The following NFIA variants were observed in gnomAD, a reference collection of about 807,000 sequenced individuals.
The protein encoded by NFIA is nuclear factor 1 A-type.
Under a neutral mutation model 62.8 loss-of-function variants are expected in NFIA, and 8 were observed. The ratio of observed to expected loss-of-function variants is 0.13; its 90% confidence interval spans 0.07 to 0.23. The LOEUF (loss-of-function observed/expected upper bound fraction) is 0.23, where lower values mean the gene tolerates loss of function less well. NFIA is among the 10% of genes least tolerant of loss of function. The probability of loss-of-function intolerance (pLI) is 1.00; values close to 1 mark genes in which losing one functional copy is unlikely to be tolerated. For synonymous variants in NFIA, 235 were observed against 238.1 expected, an observed-to-expected ratio of 0.99 and a Z score of 0.12; for missense variants, 410 against 642.1, an observed-to-expected ratio of 0.64 and a Z score of 3.91.
At chr1:61,112,983 G>T (rs958803723) in intron 2 of NFIA, among the ~76,000 whole-genome samples, 1 of 152,096 alleles carries the variant, frequency 6.6e-6, no homozygotes, top group African/African-American at 2.4e-5. Context: ...AGTATTTCTA[G>T]TGTTTCATTA....
Position 61,395,757 on chromosome 1 carries a change from C to T in NFIA, c.1076-8347C>T, listed in dbSNP as rs145522414. On this transcript the variant is annotated intron_variant, in intron 7 of 10. Transcript: ENST00000403491. Reference sequence around the variant, plus strand: ...TGGTCAATTTTGATTCAAAGAGGCCCTGTCAGGACAAAGGCTGGGGCTGTA... The same window carrying T: ...TGGTCAATTTTGATTCAAAGAGGCCTTGTCAGGACAAAGGCTGGGGCTGTA... Among the ~76,000 whole-genome samples, 1,164 of 152,238 alleles carry T rather than the reference C, an allele frequency of 7.6e-3. 2 individuals carry two copies. Among genetic ancestry groups the T allele is most frequent in the Non-Finnish European group, 0.012 (846 of 68,014 alleles).
chr1:61,368,500 G>A (rs1218697758), intron 6 of NFIA, among the ~76,000 whole-genome samples: 2 of 152,168 alleles, frequency 1.3e-5, no homozygotes, highest in Non-Finnish European at 2.9e-5. Flanking sequence ...GCAAGCCTGA[G>A]AATTTTAGCA....
chr1:61,234,544 A>G (rs1054093945), intron 2 of NFIA, among the ~76,000 whole-genome samples: 1 of 152,106 alleles, frequency 6.6e-6, no homozygotes, highest in African/African-American at 2.4e-5. Context: ...CCCACCTACC[A>G]TATTACTTTG....
intron 3 of NFIA, among the ~76,000 whole-genome samples, chr1:61,311,155 G>T (rs1232989957): frequency 6.6e-6 from 1 of 152,184 alleles, no homozygotes; most frequent in African/African-American, 2.4e-5. Context: ...ACTTTGGGAG[G>T]CCAAGGCAGG....
intron 2 of NFIA, among the ~76,000 whole-genome samples, chr1:61,163,714 G>A (rs1649376071): frequency 6.6e-6 from 1 of 152,190 alleles, no homozygotes; most frequent in Non-Finnish European, 1.5e-5. Flanking sequence ...ATTCTAACTA[G>A]CAAAACAGAA....
chr1:61,167,902 A>G (rs1460379494), intron 2 of NFIA, among the ~76,000 whole-genome samples: 1 of 152,188 alleles, frequency 6.6e-6, no homozygotes, highest in African/African-American at 2.4e-5. Flanking sequence ...CCTGAAGGTT[A>G]TTTAAATTCC....
At chr1:61,313,346 CAG>C (rs1660210716) in intron 3 of NFIA, among the ~76,000 whole-genome samples, 1 of 152,128 alleles carries the variant, frequency 6.6e-6, no homozygotes, top group Non-Finnish European at 1.5e-5. Context: ...GGGAAGGCCT[CAG>C]GGAGCTTTCA....
At chr1:61,319,379 T>C (rs201154900) in intron 3 of NFIA, among the ~76,000 whole-genome samples, 41 of 152,272 alleles carry the variant, frequency 2.7e-4, no homozygotes, top group Non-Finnish European at 4.6e-4. Context: ...GAAAAAACTA[T>C]TAAGAATAGA....
At chr1:61,317,671 T>C (rs1435980968) in intron 3 of NFIA, among the ~76,000 whole-genome samples, 1 of 152,054 alleles carries the variant, frequency 6.6e-6, no homozygotes, top group Non-Finnish European at 1.5e-5. Flanking sequence ...TACATTTTGA[T>C]TTTTATAGAC....
In NFIA at chr1:61,213,066, T is replaced by C. The variant is rs116445073; in HGVS notation, c.560-64454T>C. Among the ~76,000 whole-genome samples the C allele has an allele frequency of 4.6e-3, 707 of 152,294 alleles. 5 individuals are homozygous for C. Among genetic ancestry groups the C allele is most frequent in the African/African-American group, 0.016 (674 of 41,548 alleles). On this transcript the variant is annotated intron_variant, in intron 2 of 10. Coordinates refer to ENST00000403491, the MANE Select transcript of NFIA (RefSeq NM_001134673.4). ...TCCTATGTTCTGTGGTATCAGGCAG[T>C]TGGATCAATTGCAGTGACTGCATCG...
chr1:61,306,034 T>C (rs879317280), intron 3 of NFIA, among the ~76,000 whole-genome samples: 2 of 150,086 alleles, frequency 1.3e-5, no homozygotes, highest in Non-Finnish European at 3.0e-5. Flanking sequence ...TATTTTTTAT[T>C]AGAGACAGAG....
intron 2 of NFIA, among the ~76,000 whole-genome samples, chr1:61,191,733 C>T (rs1224210612): frequency 6.6e-6 from 1 of 152,108 alleles, no homozygotes; most frequent in Non-Finnish European, 1.5e-5. Context: ...ATCCATCATA[C>T]AAAATGGGGG....
intron 7 of NFIA, among the ~76,000 whole-genome samples, chr1:61,396,619 C>G (rs1434680581): frequency 1.3e-5 from 2 of 152,100 alleles, no homozygotes; most frequent in Non-Finnish European, 2.9e-5. Flanking sequence ...CACGATGGGA[C>G]TTTCAAGGGA....
intron 6 of NFIA, among the ~76,000 whole-genome samples, chr1:61,380,159 A>T (rs907456256): frequency 6.6e-6 from 1 of 152,172 alleles, no homozygotes; most frequent in African/African-American, 2.4e-5. Flanking sequence ...ATTTACTCTC[A>T]TTGGGTTTTT....
Position 61,462,087 on chromosome 1 carries a change from G to A in NFIA, c.*6767G>A, listed in dbSNP as rs1218630664. 8.4e-6 allele frequency: 1 copy of A among 118,690 alleles called. No homozygotes were observed. The highest frequency in any genetic ancestry group is 3.3e-5 in the African/African-American group (1 of 30,160). 7.4% of individuals were successfully genotyped at this position (118,690 alleles called of 1,614,324 possible). ...TTTTTTTTCTTTTGACATTGCAACC[G>A]AAGGTCATAAGGCCGCTAGCTCCGC... On this transcript the variant is annotated 3_prime_UTR_variant, in exon 11 of 11. Transcript: ENST00000403491.
At chr1:61,139,127 AAG>A (rs1448151062) in intron 2 of NFIA, among the ~76,000 whole-genome samples, 1 of 152,092 alleles carries the variant, frequency 6.6e-6, no homozygotes, top group Non-Finnish European at 1.5e-5. Flanking sequence ...GCAGTGAGCT[AAG>A]ATCACGTCAC....
intron 4 of NFIA, among the ~76,000 whole-genome samples, chr1:61,336,251 A>T (rs569595701): frequency 1.9e-4 from 29 of 152,218 alleles, no homozygotes; most frequent in Admixed American, 5.2e-4. Flanking sequence ...TAATTTGTGC[A>T]TTAAAAAAAG....
rs1374945069 is a variant in NFIA at position 61,367,431 on chromosome 1, A to T, written c.946+8157A>T. On this transcript the variant is annotated intron_variant, in intron 6 of 10. Coordinates refer to ENST00000403491, the MANE Select transcript of NFIA (RefSeq NM_001134673.4). ...CACTGCTACAGAACATTGCCATGGG[A>T]TCGATGTCTTGGCTTTTCTTCTGCA... Among the ~76,000 whole-genome samples the T allele has an allele frequency of 2.6e-5, 4 of 152,222 alleles. No homozygotes were observed. The East Asian group carries it at 7.7e-4, about 29-fold the overall frequency.
intron 2 of NFIA, among the ~76,000 whole-genome samples, chr1:61,200,053 T>C (rs1230711576): frequency 5.2e-5 from 3 of 57,678 alleles, no homozygotes; most frequent in East Asian, 1.2e-3. Flanking sequence ...TATATATATA[T>C]ATATATATAT....
Sources: allele counts gnomAD v4.1 joint callset (sites outside exome capture counted in the v4.1 genomes callset), GRCh38; gene constraint gnomAD v4.1.1; transcripts MANE v1.5; gene names NCBI Gene and HGNC (gene_info 2026-07-23, HGNC 2026-07-21).